Variants in AFF4 observed in about 807,000 individuals in gnomAD.
AFF4 encodes AF4/FMR2 family member 4.
Under a neutral mutation model 124.8 loss-of-function variants are expected in AFF4, and 13 were observed. The ratio of observed to expected loss-of-function variants is 0.10; its 90% confidence interval spans 0.07 to 0.17. The LOEUF is 0.17. Among genes scored for constraint, AFF4 ranks in the 10% least tolerant of loss-of-function variants. The pLI, the probability that AFF4 is intolerant of heterozygous loss-of-function variation, is 1.00. For missense variants in AFF4, 1,092 were observed against 1,403.8 expected (o/e 0.78, Z 3.55); for synonymous variants, 477 against 496.1 (o/e 0.96, Z 0.51).
Position 132,883,466 on chromosome 5 carries a change from C to T in AFF4, c.3238G>A (p.Gly1080Ser). The T allele has an allele frequency of 6.2e-7, 1 of 1,614,034 alleles. No homozygotes were observed. The highest frequency in any genetic ancestry group is 8.5e-7 in the Non-Finnish European group (1 of 1,180,026). Residue 1080 changes from glycine (G) to serine (S), a missense_variant, in exon 20 of 21, where the codon GGT becomes AGT. Gly to Ser is a moderately conservative substitution (Grantham distance 56). Transcript: ENST00000265343. ...SSGASSASAS[G>S]SSVTIPQKIH... Reference sequence around the variant, plus strand: ...TTCTGTGGAATGGTCACTGAAGAACCACTTGCAGAAGCACTACTGGCCCCA... The same window carrying T: ...TTCTGTGGAATGGTCACTGAAGAACTACTTGCAGAAGCACTACTGGCCCCA...
rs1193811399 is a variant in AFF4, at chr5:132,958,524, T to A, written c.-5+4735A>T. ...AAGTGATGCAGAGATTGAAAGGAAG[T>A]AGATCACAACTGGAGTGGGGTGAAG... On this transcript the variant is annotated intron_variant, in intron 1 of 20. Coordinates refer to ENST00000265343, the MANE Select transcript of AFF4 (RefSeq NM_014423.4). Among the ~76,000 whole-genome samples the A allele has an allele frequency of 2.9e-5, 4 of 136,764 alleles. No individual in the cohort carries two copies. The East Asian group carries it at 6.4e-4, about 22-fold the overall frequency. 89.7% of individuals were successfully genotyped at this position (136,764 alleles called of 152,430 possible).
intron 1 of AFF4, among the ~76,000 whole-genome samples, chr5:132,942,755 A>AC (rs1761603534): frequency 6.6e-6 from 1 of 152,050 alleles, no homozygotes; most frequent in Admixed American, 6.6e-5. Context: ...AAGCCATTGC[A>AC]CCCGGCCCAT....
intron 1 of AFF4, among the ~76,000 whole-genome samples, chr5:132,949,833 G>A (rs568956534): frequency 7.0e-6 from 1 of 142,992 alleles, no homozygotes; most frequent in East Asian, 2.0e-4. Context: ...CTGCACTAGA[G>A]CGAGACTCTG....
At chr5:132,959,893 T>C (rs903961197) in intron 1 of AFF4, among the ~76,000 whole-genome samples, 13 of 149,928 alleles carry the variant, frequency 8.7e-5, no homozygotes, top group African/African-American at 2.5e-4. Flanking sequence ...GCCTCCCAAG[T>C]AGCTGGGACT....
chr5:132,921,126 CAAAA>C (rs57115662), intron 5 of AFF4, among the ~76,000 whole-genome samples: 3 of 87,600 alleles, frequency 3.4e-5, no homozygotes, highest in Non-Finnish European at 4.9e-5. Flanking sequence ...GACTCTGTCA[CAAAA>C]AAAAAAAAAA....
At chr5:132,929,935 C>T (rs1312145085) in intron 4 of AFF4, among the ~76,000 whole-genome samples, 3 of 152,046 alleles carry the variant, frequency 2.0e-5, no homozygotes, top group South Asian at 2.1e-4. Flanking sequence ...GCGGCAGAAA[C>T]GGGAAGAAAG....
chr5:132,899,537 C>A (rs1005706330), intron 8 of AFF4, 50 bp downstream of exon 8: 3 of 1,420,334 alleles, frequency 2.1e-6, no homozygotes, highest in East Asian at 4.7e-5. Flanking sequence ...TTATAAAATA[C>A]AATGAAAATA....
At chr5:132,909,934 A>T (rs1418295566) in intron 5 of AFF4, among the ~76,000 whole-genome samples, 1 of 152,230 alleles carries the variant, frequency 6.6e-6, no homozygotes, top group African/African-American at 2.4e-5. Context: ...GCACCTAGGT[A>T]AAGAGGTTCT....
intron 7 of AFF4, among the ~76,000 whole-genome samples, chr5:132,900,432 C>G (rs1760521624): frequency 6.6e-6 from 1 of 152,062 alleles, no homozygotes; most frequent in African/African-American, 2.4e-5. Flanking sequence ...TGGTGGGCAC[C>G]TGTAATCCTA....
intron 5 of AFF4, among the ~76,000 whole-genome samples, chr5:132,924,896 C>G (rs989432834): frequency 6.6e-6 from 1 of 151,738 alleles, no homozygotes; most frequent in Non-Finnish European, 1.5e-5. Context: ...AGTGCATTGG[C>G]CAGGTGCGTT....
chr5:132,883,888 G>A (rs1479175251), intron 19 of AFF4, among the ~76,000 whole-genome samples: 2 of 152,118 alleles, frequency 1.3e-5, no homozygotes, highest in African/African-American at 4.8e-5. Flanking sequence ...CCATCTGTTC[G>A]GGCATATAAT....
At chr5:132,921,416 T>A (rs1221238640) in intron 5 of AFF4, among the ~76,000 whole-genome samples, 1 of 151,272 alleles carries the variant, frequency 6.6e-6, no homozygotes, top group Non-Finnish European at 1.5e-5. Context: ...TTGGCAGGAA[T>A]AAAAAATGGT....
At chr5:132,882,996 T>C in intron 20 of AFF4, among the ~76,000 whole-genome samples, 1 of 152,218 alleles carries the variant, frequency 6.6e-6, no homozygotes, top group Non-Finnish European at 1.5e-5. Context: ...GGATGTAATC[T>C]TATGCCTATT....
Position 132,879,052 on chromosome 5 carries a change from T to TTA in AFF4, c.*2006_*2007insTA. 4.5e-6 allele frequency: 1 copy of TTA among 222,366 alleles called. No individual in the cohort carries two copies. Among genetic ancestry groups the TTA allele is most frequent in the Non-Finnish European group, 9.0e-6 (1 of 111,420 alleles). 13.8% of individuals were successfully genotyped at this position (222,366 alleles called of 1,614,324 possible). ...AAGTTGTCCTCTTATGGAAAACTGTTCCTAGAACACACTAAGATTAAGTTA... is the reference window on the plus strand; with the variant it reads ...AAGTTGTCCTCTTATGGAAAACTGTTTACCTAGAACACACTAAGATTAAGTTA... On this transcript the variant is annotated 3_prime_UTR_variant, in exon 21 of 21. Coordinates refer to ENST00000265343, the MANE Select transcript of AFF4 (RefSeq NM_014423.4).
At chr5:132,900,759 C>T (rs1345956273) in intron 7 of AFF4, 2 of 601,936 alleles carry the variant, frequency 3.3e-6, no homozygotes, top group Non-Finnish European at 4.2e-6. Context: ...TTCTATGTAA[C>T]AGTCCACAAA....
At chr5:132,891,537 C>G (rs1408511417) in intron 13 of AFF4, among the ~76,000 whole-genome samples, 1 of 152,128 alleles carries the variant, frequency 6.6e-6, no homozygotes, top group Non-Finnish European at 1.5e-5. Context: ...AGAATACTCC[C>G]CTGCATTGTG....
At chr5:132,920,923 C>T (rs1761027746) in intron 5 of AFF4, among the ~76,000 whole-genome samples, 1 of 151,900 alleles carries the variant, frequency 6.6e-6, no homozygotes. Flanking sequence ...GTCAGGAGAT[C>T]GAGACCATCC....
intron 4 of AFF4, among the ~76,000 whole-genome samples, chr5:132,930,933 T>TAAAAAAA (rs775336427): frequency 2.5e-5 from 2 of 78,564 alleles, no homozygotes; most frequent in African/African-American, 5.3e-5. Context: ...CTATCTCTAC[T>TAAAAAAA]AAAAAAAAAA....
intron 1 of AFF4, chr5:132,943,002 G>A (rs552082011): frequency 3.7e-5 from 8 of 215,374 alleles, no homozygotes; most frequent in Admixed American, 1.2e-4. Context: ...GAGTGTGAGG[G>A]TGGTGGCACT....
Sources: gnomAD v4.1 joint callset for allele counts (sites outside exome capture counted in the v4.1 genomes callset) on GRCh38, gnomAD v4.1.1 for gene constraint, MANE v1.5 for transcripts, NCBI Gene and HGNC (gene_info 2026-07-23, HGNC 2026-07-21) for gene names.